EFCAB6: variants seen among roughly 807,000 people sequenced by gnomAD.
The protein encoded by EFCAB6 is EF-hand calcium-binding domain-containing protein 6.
Under a neutral mutation model 169.8 loss-of-function variants are expected in EFCAB6, and 156 were observed. The ratio of observed to expected loss-of-function variants is 0.92; its 90% CI spans 0.81 to 1.05. EFCAB6 has a LOEUF of 1.05. Ranked by LOEUF, EFCAB6 falls within the 50% of genes least tolerant of loss-of-function variation. EFCAB6 has a pLI of 0.00. For synonymous variants in EFCAB6, 698 were observed against 676.4 expected, an observed-to-expected ratio of 1.03 and a Z score of -0.50; for missense variants, 1,800 against 1,829.1, an observed-to-expected ratio of 0.98 and a Z score of 0.29.
chr22:43,587,347 G>T (rs2051145894), intron 24 of EFCAB6, among the ~76,000 whole-genome samples: 1 of 152,194 alleles, frequency 6.6e-6, no homozygotes, highest in Non-Finnish European at 1.5e-5. Flanking sequence ...AGTTTCCTAT[G>T]GCTTTGTACC....
chr22:43,682,900 T>C (rs915875528), intron 12 of EFCAB6, among the ~76,000 whole-genome samples: 1 of 152,168 alleles, frequency 6.6e-6, no homozygotes, highest in African/African-American at 2.4e-5. Flanking sequence ...TCCCATGCAA[T>C]AGCATTCTAG....
intron 17 of EFCAB6, among the ~76,000 whole-genome samples, chr22:43,642,179 T>C (rs1407803388): frequency 6.6e-6 from 1 of 151,940 alleles, no homozygotes; most frequent in Non-Finnish European, 1.5e-5. Flanking sequence ...GACCGCAGGT[T>C]ATCCACCCGC....
At chr22:43,582,341 T>TACACACACACACAC (rs34578401) in intron 24 of EFCAB6, among the ~76,000 whole-genome samples, 1 of 148,266 alleles carries the variant, frequency 6.7e-6, no homozygotes. Context: ...TCTATACACA[T>TACACACACACACAC]ACACACACAC....
At chr22:43,573,113 G>A (rs547221700) in intron 26 of EFCAB6, among the ~76,000 whole-genome samples, 2 of 152,304 alleles carry the variant, frequency 1.3e-5, no homozygotes, top group East Asian at 1.9e-4. Flanking sequence ...GGGGAATAAC[G>A]CCTAAGACTG....
chr22:43,744,368 G>C lies in EFCAB6; in HGVS notation c.508-8375C>G, dbSNP rs1216074173. 6.6e-6 allele frequency among the ~76,000 whole-genome samples: 1 copy of C among 152,178 alleles called. No homozygotes were observed. Among genetic ancestry groups the C allele is most frequent in the Admixed American group, 6.5e-5 (1 of 15,292 alleles). On this transcript the variant is annotated intron_variant, in intron 6 of 31. Coordinates refer to ENST00000262726, the MANE Select transcript of EFCAB6 (RefSeq NM_022785.4). This position sits in a 1 kb window ranked among gnomAD's most constrained non-coding sequence, Gnocchi z 4.3. Reference sequence around the variant, plus strand: ...TAGACAAGCATCTCATTTCCCAGTGGATTCAGTGATCTGCTCTGCACCTAC... The same window carrying C: ...TAGACAAGCATCTCATTTCCCAGTGCATTCAGTGATCTGCTCTGCACCTAC...
Position 43,628,041 on chromosome 22 carries a change from T to C in EFCAB6, c.2233-1362A>G, listed in dbSNP as rs909839179. ...GCCTCCTGGGGTGCAGGCCCATCTG[T>C]TTCTTGATGATTCCCTCTATACTCT... On this transcript the variant is annotated intron_variant, in intron 19 of 31. Coordinates refer to ENST00000262726, the MANE Select transcript of EFCAB6 (RefSeq NM_022785.4). This position sits in a 1 kb window ranked among gnomAD's most constrained non-coding sequence, Gnocchi z 4.8. Among the ~76,000 whole-genome samples the C allele has an allele frequency of 1.3e-5, 2 of 152,050 alleles. No individual in the cohort carries two copies. The highest frequency in any genetic ancestry group is 2.9e-5 in the Non-Finnish European group (2 of 68,010).
chr22:43,564,319 A>G (rs1171713993), intron 26 of EFCAB6, among the ~76,000 whole-genome samples: 2 of 152,058 alleles, frequency 1.3e-5, no homozygotes, highest in African/African-American at 4.8e-5. Context: ...GTGCTGGCCC[A>G]CACCTGTAAT....
intron 17 of EFCAB6, among the ~76,000 whole-genome samples, chr22:43,653,333 A>AG (rs2056572921): frequency 1.3e-5 from 2 of 151,366 alleles, no homozygotes; most frequent in Non-Finnish European, 2.9e-5. Context: ...GAGAAAAAAA[A>AG]GACACATTAT....
intron 27 of EFCAB6, 167 bp from the exon 28 acceptor site, chr22:43,540,524 G>T: frequency 6.5e-7 from 1 of 1,531,244 alleles, no homozygotes. Flanking sequence ...CCTTCGCTCG[G>T]CGGAGGCCTC....
intron 6 of EFCAB6, among the ~76,000 whole-genome samples, chr22:43,741,492 C>A (rs2060369522): frequency 6.6e-6 from 1 of 152,214 alleles, no homozygotes; most frequent in Non-Finnish European, 1.5e-5. Context: ...TCATACTCTG[C>A]TGACCACTTG....
At chr22:43,729,364 T>A (rs2059853096) in intron 8 of EFCAB6, among the ~76,000 whole-genome samples, 1 of 152,188 alleles carries the variant, frequency 6.6e-6, no homozygotes, top group Non-Finnish European at 1.5e-5. Flanking sequence ...CCCAAAGTGC[T>A]GGGATTACAG....
At chr22:43,614,863 T>C (rs1316488653) in intron 21 of EFCAB6, among the ~76,000 whole-genome samples, 20 of 138,956 alleles carry the variant, frequency 1.4e-4, no homozygotes, top group Non-Finnish European at 2.4e-4. Flanking sequence ...ACAGTCTGCT[T>C]TATGGAGTCC....
chr22:43,699,164 G>A (rs1247771922), intron 10 of EFCAB6, among the ~76,000 whole-genome samples: 1 of 152,136 alleles, frequency 6.6e-6, no homozygotes, highest in Non-Finnish European at 1.5e-5. Context: ...TGCATGACAC[G>A]CAGGTGGGTT....
chr22:43,782,109 A>C, intron 3 of EFCAB6, 71 bp downstream of exon 3: 1 of 1,461,624 alleles, frequency 6.8e-7, no homozygotes, highest in South Asian at 1.4e-5. Context: ...CTTTGAACTA[A>C]GCTTGGTACA....
At chr22:43,788,649 A>T (rs148446193) in intron 2 of EFCAB6, among the ~76,000 whole-genome samples, 222 of 152,354 alleles carry the variant, frequency 1.5e-3, no homozygotes, top group African/African-American at 5.1e-3. Flanking sequence ...AATGGTACAG[A>T]TGCTTTGGAA....
At chr22:43,709,479 A>G (rs192163964) in intron 10 of EFCAB6, among the ~76,000 whole-genome samples, 1 of 152,356 alleles carries the variant, frequency 6.6e-6, no homozygotes, top group East Asian at 1.9e-4. Flanking sequence ...TTACAATTAT[A>G]ATTTTGAAGA....
At position 43,621,800 on chromosome 22, in the gene EFCAB6, T is replaced by C. The variant is rs117798617; in HGVS notation, c.2465+4647A>G. On this transcript the variant is annotated intron_variant, in intron 20 of 31. Transcript: ENST00000262726. Reference sequence around the variant, plus strand: ...AAGTGGGAAGCCTTAGCTGAATTGATGAAGAAGAAAGGAGAAAAGAGATCA... The same window carrying C: ...AAGTGGGAAGCCTTAGCTGAATTGACGAAGAAGAAAGGAGAAAAGAGATCA... 6.0e-4 allele frequency among the ~76,000 whole-genome samples: 91 copies of C among 152,196 alleles called. 1 individual carries two copies. The East Asian group carries it at 0.01, about 17-fold the overall frequency.
chr22:43,557,839 A>G (rs1286287060), intron 26 of EFCAB6, among the ~76,000 whole-genome samples: 1 of 152,254 alleles, frequency 6.6e-6, no homozygotes, highest in East Asian at 1.9e-4. Flanking sequence ...TATTTCATGG[A>G]TAAGAATGCA....
chr22:43,565,203 G>T (rs1304620171), intron 26 of EFCAB6, among the ~76,000 whole-genome samples: 3 of 152,232 alleles, frequency 2.0e-5, no homozygotes, highest in African/African-American at 7.2e-5. Context: ...TAGAAGACAG[G>T]CTCTGGCCAT....
Sources: allele counts gnomAD v4.1 joint callset (sites outside exome capture counted in the v4.1 genomes callset), GRCh38; gene constraint gnomAD v4.1.1; non-coding constraint Gnocchi (gnomAD v3.1); transcripts MANE v1.5; gene names NCBI Gene and HGNC (gene_info 2026-07-23, HGNC 2026-07-21).